Variants in ZNF385D observed in about 807,000 individuals in gnomAD.
The protein encoded by ZNF385D is zinc finger protein 385D.
ZNF385D carries 15 observed loss-of-function variants against 35.8 expected under a neutral mutation model. That is an observed-to-expected ratio of 0.42 (90% CI 0.28 to 0.64). The LOEUF is 0.64. ZNF385D is among the 30% of genes least tolerant of loss of function. ZNF385D has a pLI of 0.23. For synonymous variants in ZNF385D, 212 were observed against 186.8 expected (o/e 1.13, Z -1.10); for missense variants, 474 against 494.6 (o/e 0.96, Z 0.39).
At chr3:21,877,172 A>C (rs1698024628) in intron 3 of ZNF385D, among the ~76,000 whole-genome samples, 2 of 152,076 alleles carry the variant, frequency 1.3e-5, no homozygotes, top group Admixed American at 1.3e-4. Context: ...AGACTCGATA[A>C]ACAAGGTCAT....
chr3:22,089,921 C>T (rs920090863), intron 3 of ZNF385D, among the ~76,000 whole-genome samples: 2 of 152,078 alleles, frequency 1.3e-5, no homozygotes, highest in Non-Finnish European at 2.9e-5. Context: ...TCACTGAAAC[C>T]TCTGCCTCCT....
At chr3:22,166,806 T>C (rs1055881009) in intron 3 of ZNF385D, among the ~76,000 whole-genome samples, 15 of 152,242 alleles carry the variant, frequency 9.9e-5, no homozygotes, top group Non-Finnish European at 1.9e-4. Context: ...TCTATAATGT[T>C]GTTTATTACT....
intron 2 of ZNF385D, among the ~76,000 whole-genome samples, chr3:22,236,155 G>A (rs1699171648): frequency 6.6e-6 from 1 of 152,220 alleles, no homozygotes; most frequent in African/African-American, 2.4e-5. Flanking sequence ...CAAAAATCAT[G>A]TAAGTAATGG....
At chr3:21,948,588 A>G (rs1168757070) in intron 3 of ZNF385D, among the ~76,000 whole-genome samples, 1 of 152,054 alleles carries the variant, frequency 6.6e-6, no homozygotes, top group Non-Finnish European at 1.5e-5. Flanking sequence ...AAAATACCAG[A>G]TTTCTATATA....
At chr3:22,012,202 T>A (rs1267607956) in intron 3 of ZNF385D, among the ~76,000 whole-genome samples, 1 of 152,158 alleles carries the variant, frequency 6.6e-6, no homozygotes, top group Non-Finnish European at 1.5e-5. Context: ...TGAGAGGATA[T>A]ATGACACACC....
At chr3:21,772,583 A>G (rs1464743796) in intron 3 of ZNF385D, among the ~76,000 whole-genome samples, 1 of 151,946 alleles carries the variant, frequency 6.6e-6, no homozygotes, top group Admixed American at 6.6e-5. Context: ...AGGAGGAGAA[A>G]TTGAAACACT....
intron 2 of ZNF385D, among the ~76,000 whole-genome samples, chr3:21,570,069 T>A (rs1026850585): frequency 8.0e-5 from 12 of 149,990 alleles, no homozygotes; most frequent in South Asian, 6.3e-4. Context: ...ATAATAATAA[T>A]AAAAAAAATT....
At position 21,746,165 on chromosome 3, in the gene ZNF385D, T is replaced by A. The variant is rs187462833; in HGVS notation, c.22+4730A>T. Among the ~76,000 whole-genome samples, 13 of 152,344 alleles carry A rather than the reference T, an allele frequency of 8.5e-5. No individual in the cohort carries two copies. The East Asian group carries it at 2.5e-3, about 29-fold the overall frequency. The stretch of plus-strand genomic sequence containing the variant: ...GAATGGAAGTCAGAAACCACTAATT[T>A]AAATTTGTCATTTGTTTTTTGGAAC... On this transcript the variant is annotated intron_variant, in intron 1 of 7. Coordinates refer to ENST00000281523, the MANE Select transcript of ZNF385D (RefSeq NM_024697.3).
intron 2 of ZNF385D, among the ~76,000 whole-genome samples, chr3:22,296,706 C>A (rs1226954114): frequency 1.3e-5 from 2 of 152,098 alleles, no homozygotes; most frequent in Non-Finnish European, 2.9e-5. Context: ...TTGAAGAGAG[C>A]ATACCTCTGC....
intron 1 of ZNF385D, among the ~76,000 whole-genome samples, chr3:21,695,452 G>T (rs551551257): frequency 4.6e-5 from 7 of 152,262 alleles, no homozygotes; most frequent in African/African-American, 1.7e-4. Flanking sequence ...TAGTTCAAAG[G>T]TTGGGTTGCA....
chr3:22,030,608 C>A lies in ZNF385D; in HGVS notation c.325+138209G>T, dbSNP rs548263583. Among the ~76,000 whole-genome samples, 4 of 152,026 alleles carry A rather than the reference C, an allele frequency of 2.6e-5. No individual in the cohort carries two copies. The East Asian group carries it at 7.8e-4, about 30-fold the overall frequency. On this transcript the variant is annotated intron_variant, in intron 3 of 5. Coordinates refer to the ZNF385D transcript ENST00000494108. ...GAAACCATTTCTGTGTTCAAATCAC[C>A]TCCCACCAGGTTTCTCCCTTGACAC...
chr3:22,077,355 T>C lies in ZNF385D; in HGVS notation c.325+91462A>G, dbSNP rs554948277. Among the ~76,000 whole-genome samples the C allele has an allele frequency of 1.6e-3, 243 of 152,034 alleles. 1 individual carries two copies. The highest frequency in any genetic ancestry group is 3.4e-3 in the Middle Eastern group (1 of 294). ...AAAGAGCATCTTTTGGTGGTAAAGG[T>C]AGAATAATTGAAAAATAAGCCTAGA... On this transcript the variant is annotated intron_variant, in intron 3 of 5. Coordinates refer to the ZNF385D transcript ENST00000494108.
chr3:21,805,147 T>C (rs778275096), intron 3 of ZNF385D, among the ~76,000 whole-genome samples: 4 of 152,204 alleles, frequency 2.6e-5, no homozygotes, highest in Non-Finnish European at 4.4e-5. Context: ...TTTGTATGAA[T>C]GGTGTGAGAA....
chr3:21,538,303 T>C (rs576946402), intron 3 of ZNF385D, among the ~76,000 whole-genome samples: 1 of 152,096 alleles, frequency 6.6e-6, no homozygotes, highest in Non-Finnish European at 1.5e-5. Flanking sequence ...TCTGGAAGTC[T>C]GTATTGATAA....
intron 3 of ZNF385D, among the ~76,000 whole-genome samples, chr3:22,045,527 C>T (rs1698941297): frequency 6.6e-6 from 1 of 152,096 alleles, no homozygotes; most frequent in Non-Finnish European, 1.5e-5. Context: ...ATTTCCAGTT[C>T]CTAGCAAGGT....
intron 1 of ZNF385D, among the ~76,000 whole-genome samples, chr3:21,687,560 C>A (rs868658331): frequency 6.6e-6 from 1 of 151,986 alleles, no homozygotes; most frequent in East Asian, 1.9e-4. Context: ...ACTGATGAAC[C>A]TACATCAACA....
In ZNF385D at chr3:21,624,410, A is replaced by G. The variant is rs142842833; in HGVS notation, c.165+40476T>C. ...ATTTTTTTCCCCATAAAGCACTGCA[A>G]TAAACATATCAATGCTATTTCCAGC... On this transcript the variant is annotated intron_variant, in intron 2 of 7. Transcript: ENST00000281523. Among the ~76,000 whole-genome samples the G allele has an allele frequency of 6.2e-3, 937 of 152,234 alleles. 11 individuals are homozygous for G. The highest frequency in any genetic ancestry group is 6.9e-3 in the Non-Finnish European group (468 of 68,004).
intron 3 of ZNF385D, among the ~76,000 whole-genome samples, chr3:21,853,385 T>C (rs369646118): frequency 8.6e-5 from 13 of 151,864 alleles, no homozygotes; most frequent in African/African-American, 3.1e-4. Context: ...AGAAATAATA[T>C]GTTCAGTAAG....
chr3:22,180,445 A>G (rs1269791293), intron 2 of ZNF385D, among the ~76,000 whole-genome samples: 1 of 152,224 alleles, frequency 6.6e-6, no homozygotes, highest in African/African-American at 2.4e-5. Context: ...TGAGGCCAGC[A>G]TCATCCTGAT....
Sources: gnomAD v4.1 joint callset for allele counts (sites outside exome capture counted in the v4.1 genomes callset) on GRCh38, gnomAD v4.1.1 for gene constraint, MANE v1.5 for transcripts, NCBI Gene and HGNC (gene_info 2026-07-23, HGNC 2026-07-21) for gene names.